Variants in CACNA1D observed in about 807,000 individuals in gnomAD.
CACNA1D encodes calcium voltage-gated channel subunit alpha1 D.
Under a neutral mutation model 257.1 loss-of-function variants are expected in CACNA1D, and 55 were observed. That is an observed-to-expected ratio of 0.21 (90% CI 0.17 to 0.27). The LOEUF (loss-of-function observed/expected upper bound fraction) is 0.27. Among genes scored for constraint, CACNA1D ranks in the 10% least tolerant of loss-of-function variants. CACNA1D has a pLI of 1.00. For missense variants in CACNA1D, 1,876 were observed against 2,784.0 expected (o/e 0.67, Z 7.34); for synonymous variants, 980 against 1,014.9 (o/e 0.97, Z 0.65).
At position 53,576,070 on chromosome 3, in the gene CACNA1D, G is replaced by T. The variant is rs775134153; in HGVS notation, c.483+74350G>T. Among the ~76,000 whole-genome samples the T allele has an allele frequency of 2.6e-5, 4 of 152,252 alleles. No homozygotes were observed. The East Asian group carries it at 5.8e-4, about 22-fold the overall frequency. On this transcript the variant is annotated intron_variant, in intron 3 of 47. Transcript: ENST00000350061. ...TTGATGCTTGAGAAAGCTACAAGAC[G>T]CTGATGGTGTTGGTGGCAGCTTTGC...
chr3:53,581,671 C>T (rs807197), intron 3 of CACNA1D, among the ~76,000 whole-genome samples: 127,740 of 152,174 alleles, frequency 0.84, 53,707 homozygotes, highest in African/African-American at 0.87. Context: ...ATGTTCTCAG[C>T]TGAAGTGCAG....
chr3:53,775,085 T>G (rs2095389547), intron 34 of CACNA1D, among the ~76,000 whole-genome samples: 1 of 152,142 alleles, frequency 6.6e-6, no homozygotes, highest in Non-Finnish European at 1.5e-5. Flanking sequence ...GATTTCAAAT[T>G]TTTTGGGATT....
In CACNA1D at chr3:53,806,877, C is replaced by T. The variant is rs535789037; in HGVS notation, c.5749+1731C>T. On this transcript the variant is annotated intron_variant, in intron 45 of 47. Transcript: ENST00000350061. ...AGGTGAGGCCGGGTGATGGCCCTCG[C>T]CCTTGTGAGTTCCACTGCCTTCCTC... Among the ~76,000 whole-genome samples the T allele has an allele frequency of 2.3e-4, 35 of 152,306 alleles. 1 individual carries two copies. The highest frequency in any genetic ancestry group is 8.4e-4 in the African/African-American group (35 of 41,562).
intron 39 of CACNA1D, chr3:53,782,406 C>T (rs573667614): frequency 2.4e-4 from 37 of 151,854 alleles, no homozygotes; most frequent in African/African-American, 8.5e-4. Flanking sequence ...TCACCCAGTG[C>T]CACCACACCA....
intron 8 of CACNA1D, among the ~76,000 whole-genome samples, chr3:53,693,221 T>TC (rs998298477): frequency 6.6e-6 from 1 of 152,040 alleles, no homozygotes; most frequent in African/African-American, 2.4e-5. Flanking sequence ...CCAGCTGTCT[T>TC]CCCCCCACAG....
chr3:53,737,357 G>A (rs2095068620), intron 20 of CACNA1D, among the ~76,000 whole-genome samples: 1 of 152,132 alleles, frequency 6.6e-6, no homozygotes, highest in African/African-American at 2.4e-5. Flanking sequence ...AATTTACATG[G>A]CATTTACTTG....
chr3:53,717,565 A>G (rs1030963354), intron 9 of CACNA1D, among the ~76,000 whole-genome samples: 3 of 152,182 alleles, frequency 2.0e-5, no homozygotes, highest in Non-Finnish European at 2.9e-5. Flanking sequence ...GAGAAGTGGG[A>G]TGGGCCCAGA....
chr3:53,640,873 G>T lies in CACNA1D; in HGVS notation c.484-9906G>T, dbSNP rs75733460. ...AGTGGGAATGTCTGTTATGGCCGGG[G>T]GATGGGGGTTAGAAGCAGCAGGCAT... On this transcript the variant is annotated intron_variant, in intron 3 of 47. Transcript: ENST00000350061. Among the ~76,000 whole-genome samples, 562 of 152,286 alleles carry T rather than the reference G, an allele frequency of 3.7e-3. 6 individuals are homozygous for T. Among genetic ancestry groups the T allele is most frequent in the South Asian group, 0.016 (77 of 4,822 alleles).
intron 3 of CACNA1D, among the ~76,000 whole-genome samples, chr3:53,594,668 A>G (rs2093348499): frequency 2.0e-5 from 3 of 152,276 alleles, no homozygotes; most frequent in African/African-American, 7.2e-5. Context: ...TTCAAGGCAG[A>G]AAGAAACATC....
At chr3:53,522,423 A>G (rs1240091962) in intron 3 of CACNA1D, among the ~76,000 whole-genome samples, 1 of 150,504 alleles carries the variant, frequency 6.6e-6, no homozygotes, top group Non-Finnish European at 1.5e-5. Context: ...GCAGGCAGAG[A>G]CACTTCTTCT....
intron 3 of CACNA1D, among the ~76,000 whole-genome samples, chr3:53,639,236 A>C (rs578258760): frequency 2.0e-5 from 3 of 152,142 alleles, no homozygotes; most frequent in Non-Finnish European, 4.4e-5. Context: ...CCCTGTCTCT[A>C]CTAAAAATAC....
At chr3:53,644,552 T>G (rs1576210408) in intron 3 of CACNA1D, among the ~76,000 whole-genome samples, 1 of 152,214 alleles carries the variant, frequency 6.6e-6, no homozygotes. Context: ...ACTCCTCATA[T>G]AAGTGAGATC....
intron 8 of CACNA1D, among the ~76,000 whole-genome samples, chr3:53,682,383 A>AAAAC (rs2094439559): frequency 6.8e-6 from 1 of 146,990 alleles, no homozygotes. Flanking sequence ...AAAAAAAAAA[A>AAAAC]AAAAAAAAAA....
Position 53,648,821 on chromosome 3 carries a change from A to C in CACNA1D, c.484-1958A>C, listed in dbSNP as rs2094052102. Among the ~76,000 whole-genome samples the C allele has an allele frequency of 2.3e-5, 3 of 133,188 alleles. No homozygotes were observed. In the South Asian group the frequency reaches 6.9e-4, roughly 31 times the overall value. The allele number at this position is 133,188 out of a possible 152,430, so 87.4% of individuals were successfully genotyped here. ...ATTATAAACACACTGATGCTGGCTA[A>C]CTCTCAAAACACACACACACACACA... is the stretch of plus-strand genomic sequence containing the variant. On this transcript the variant is annotated intron_variant, in intron 3 of 47. Coordinates refer to ENST00000350061, the MANE Select transcript of CACNA1D (RefSeq NM_001128840.3).
chr3:53,520,905 T>TTTC (rs1342727651), intron 3 of CACNA1D, among the ~76,000 whole-genome samples: 7,425 of 124,752 alleles, frequency 0.06, 242 homozygotes, highest in South Asian at 0.1. Context: ...TTTTCTTTTC[T>TTTC]TTTCTTTTCT....
rs1471038899 is a variant in CACNA1D, at chr3:53,599,912, T to A, written c.484-50867T>A. Reference sequence around the variant, plus strand: ...GAAAGCCTGCCTTCAGACATTTATATGTTCAGACAAACTAATCAGGCTGAA... The same window carrying A: ...GAAAGCCTGCCTTCAGACATTTATAAGTTCAGACAAACTAATCAGGCTGAA... On this transcript the variant is annotated intron_variant, in intron 3 of 47. Transcript: ENST00000350061. Among the ~76,000 whole-genome samples the A allele has an allele frequency of 2.0e-5, 3 of 152,378 alleles. No homozygotes were observed. The East Asian group carries it at 5.8e-4, about 29-fold the overall frequency.
At chr3:53,507,654 A>T (rs2090912984) in intron 3 of CACNA1D, among the ~76,000 whole-genome samples, 1 of 152,210 alleles carries the variant, frequency 6.6e-6, no homozygotes, top group Non-Finnish European at 1.5e-5. Context: ...TAGGTTTTTT[A>T]CTATTAAAAT....
intron 8 of CACNA1D, among the ~76,000 whole-genome samples, chr3:53,683,478 G>A (rs777916817): frequency 9.2e-5 from 14 of 152,106 alleles, no homozygotes; most frequent in Non-Finnish European, 1.8e-4. Flanking sequence ...ATCAACACTC[G>A]TTAAAGGAAG....
intron 7 of CACNA1D, among the ~76,000 whole-genome samples, 159 bp downstream of exon 7, chr3:53,666,694 T>C (rs1268579967): frequency 1.3e-5 from 2 of 152,196 alleles, no homozygotes; most frequent in African/African-American, 4.8e-5. Flanking sequence ...TTCATCATCC[T>C]GCTCCTCGAG....
Sources: gnomAD v4.1 joint callset for allele counts (sites outside exome capture counted in the v4.1 genomes callset) on GRCh38, gnomAD v4.1.1 for gene constraint, MANE v1.5 for transcripts, NCBI Gene and HGNC (gene_info 2026-07-23, HGNC 2026-07-21) for gene names.